Variants in MGRN1 observed in about 807,000 individuals in gnomAD.
The protein encoded by MGRN1 is mahogunin ring finger 1, also known as E3 ubiquitin-protein ligase MGRN1.
MGRN1 carries 29 observed loss-of-function variants against 69.2 expected under a neutral mutation model. The observed-to-expected ratio is 0.42, with a 90% CI of 0.31 to 0.57. The LOEUF is 0.57. Among genes scored for constraint, MGRN1 ranks in the 20% least tolerant of loss-of-function variants. The pLI is 0.15. For synonymous variants in MGRN1, 470 were observed against 344.2 expected, an observed-to-expected ratio of 1.37 and a Z score of -4.04; for missense variants, 998 against 796.2, an observed-to-expected ratio of 1.25 and a Z score of -3.05.
At chr16:4,668,094 C>G (rs559289344) in intron 7 of MGRN1, among the ~76,000 whole-genome samples, 171 bp from the exon 8 acceptor site, 137 of 151,736 alleles carry the variant, frequency 9.0e-4, no homozygotes, top group Non-Finnish European at 1.4e-3. Flanking sequence ...TTCAGAAATC[C>G]CGGCTCTTTC....
intron 1 of MGRN1, chr16:4,648,948 G>A (rs112713661): frequency 1.4e-4 from 22 of 159,108 alleles, no homozygotes; most frequent in African/African-American, 3.4e-4. Flanking sequence ...CCTCCTCTCC[G>A]GGGCTGTGTG....
Position 4,657,213 on chromosome 16 carries a change from G to A in MGRN1, c.444-33G>A, listed in dbSNP as rs200432984. On this transcript the variant is annotated intron_variant, in intron 4 of 16. Coordinates refer to ENST00000262370, the MANE Select transcript of MGRN1 (RefSeq NM_015246.4). ...GGGCACGGAGGGCCCTCTTCCTGCC[G>A]CAGCCTCACTGCTTGCTCCTGGCTC... 69 of 1,597,066 alleles carry A rather than the reference G, an allele frequency of 4.3e-5. No homozygotes were observed. The East Asian group carries it at 7.6e-4, about 18-fold the overall frequency.
At chr16:4,666,346 G>A (rs577446998) in intron 7 of MGRN1, among the ~76,000 whole-genome samples, 27 of 152,254 alleles carry the variant, frequency 1.8e-4, no homozygotes, top group African/African-American at 6.0e-4. Flanking sequence ...TGCCCAGGCT[G>A]GTCTCAAACT....
chr16:4,638,410 A>T (rs2078079653), intron 1 of MGRN1, among the ~76,000 whole-genome samples: 1 of 151,978 alleles, frequency 6.6e-6, no homozygotes, highest in Non-Finnish European at 1.5e-5. Flanking sequence ...GGTTGCAGTG[A>T]GCCGTGATCG....
intron 1 of MGRN1, among the ~76,000 whole-genome samples, chr16:4,629,675 G>T (rs900498065): frequency 6.6e-6 from 1 of 151,096 alleles, no homozygotes; most frequent in African/African-American, 2.4e-5. Context: ...GGAGGCGGGG[G>T]TTGCAGTGAG....
intron 5 of MGRN1, among the ~76,000 whole-genome samples, chr16:4,663,365 GTTTTTTTTT>G (rs1183914569): frequency 6.5e-5 from 4 of 61,828 alleles, no homozygotes; most frequent in Non-Finnish European, 1.2e-4. Context: ...ACCTGGCCTT[GTTTTTTTTT>G]TTTTTTTTTT....
chr16:4,657,932 C>T (rs112054405), intron 5 of MGRN1, among the ~76,000 whole-genome samples: 10,647 of 150,942 alleles, frequency 0.071, 1,120 homozygotes, highest in African/African-American at 0.22. Context: ...TTAGTAGAGA[C>T]GGGGTTTCAC....
intron 4 of MGRN1, among the ~76,000 whole-genome samples, chr16:4,654,766 A>C (rs1204952315): frequency 3.3e-5 from 5 of 152,110 alleles, no homozygotes; most frequent in Non-Finnish European, 7.4e-5. Flanking sequence ...TGAGTGCTCG[A>C]GTTGAGGGGC....
intron 2 of MGRN1, chr16:4,650,705 T>G (rs567092231): frequency 8.9e-5 from 38 of 424,644 alleles, no homozygotes; most frequent in Non-Finnish European, 1.5e-4. Context: ...GGCAGGTCAC[T>G]GAGAAACAGA....
intron 7 of MGRN1, among the ~76,000 whole-genome samples, chr16:4,667,466 G>A (rs1052354885): frequency 7.9e-5 from 12 of 152,222 alleles, no homozygotes; most frequent in Non-Finnish European, 1.6e-4. Flanking sequence ...AGAAGCCACG[G>A]TGACTATTGA....
Position 4,673,578 on chromosome 16 carries a change from C to G in MGRN1, c.876C>G (p.Pro292=). 2 of 1,613,872 alleles carry G rather than the reference C, an allele frequency of 1.2e-6. No homozygotes were observed. Among genetic ancestry groups the G allele is most frequent in the Admixed American group, 1.7e-5 (1 of 60,008 alleles). ...ACCTGCGGGACACGCTGATCCTGCC[C>G]TGCCGCCACCTGTGCCTCTGTACCT... ...LSDLRDTLIL[P]CRHLCLCTSC... Residue 292 remains proline (P), a synonymous_variant, in exon 10 of 17, where the codon CCC becomes CCG. Coordinates refer to ENST00000262370, the MANE Select transcript of MGRN1 (RefSeq NM_015246.4).
intron 1 of MGRN1, among the ~76,000 whole-genome samples, chr16:4,638,795 G>C (rs879937948): frequency 1.3e-5 from 2 of 152,220 alleles, no homozygotes; most frequent in South Asian, 2.1e-4. Context: ...TCAGTGAGCT[G>C]TTCGGAGCCC....
At chr16:4,671,520 G>T in intron 9 of MGRN1, 61 bp downstream of exon 9, 4 of 1,500,034 alleles carry the variant, frequency 2.7e-6, no homozygotes, top group Non-Finnish European at 3.7e-6. Flanking sequence ...GAGCAGCCGC[G>T]GACAGCAATG....
chr16:4,677,346 C>A, intron 10 of MGRN1, 117 bp from the exon 11 acceptor site: 1 of 569,804 alleles, frequency 1.8e-6, no homozygotes, highest in Non-Finnish European at 2.8e-6. Context: ...GATCTGGAAG[C>A]GGGGTCACCC....
At chr16:4,629,469 G>GCA (rs1897879083) in intron 1 of MGRN1, among the ~76,000 whole-genome samples, 1 of 152,048 alleles carries the variant, frequency 6.6e-6, no homozygotes, top group Admixed American at 6.6e-5. Context: ...GCCCAGGCAT[G>GCA]GTGGCTCACG....
In MGRN1 at chr16:4,625,328, G is replaced by T. The variant is rs117861459; in HGVS notation, c.88+280G>T. Among the ~76,000 whole-genome samples the T allele has an allele frequency of 6.2e-4, 94 of 152,320 alleles. 1 individual carries two copies. In the East Asian group the frequency reaches 0.017, roughly 27 times the overall value. ...CACCTCAGCTCCGTCCTTGCAACAG[G>T]GGGGAGCTCCTGGGGGAAACCCCGA... On this transcript the variant is annotated intron_variant, in intron 1 of 16. Coordinates refer to ENST00000262370, the MANE Select transcript of MGRN1 (RefSeq NM_015246.4).
intron 5 of MGRN1, among the ~76,000 whole-genome samples, chr16:4,662,863 C>T (rs2078713965): frequency 6.6e-6 from 1 of 152,122 alleles, no homozygotes; most frequent in Non-Finnish European, 1.5e-5. Context: ...GCTCAGGGTT[C>T]CCTTGTGCTG....
Position 4,682,949 on chromosome 16 carries a change from G to A in MGRN1, c.1482+3G>A. 2 of 1,562,746 alleles carry A rather than the reference G, an allele frequency of 1.3e-6. No homozygotes were observed. Among genetic ancestry groups the A allele is most frequent in the Non-Finnish European group, 1.7e-6 (2 of 1,151,958 alleles). ...TGCGGGAAAGCAGCTCCCCTGAGGT[G>A]AGGCCCCCCCGGGGAAGCTTTGCGC... On this transcript the variant is annotated splice_donor_region_variant and intron_variant, in intron 14 of 16. Coordinates refer to ENST00000262370, the MANE Select transcript of MGRN1 (RefSeq NM_015246.4).
intron 16 of MGRN1, chr16:4,687,510 A>G (rs778431241): frequency 1.0e-6 from 1 of 981,208 alleles, no homozygotes; most frequent in Non-Finnish European, 1.2e-6. Context: ...CGCTGTCTCA[A>G]TAAAAAAAAA....
Sources: allele counts gnomAD v4.1 joint callset (sites outside exome capture counted in the v4.1 genomes callset), GRCh38; gene constraint gnomAD v4.1.1; transcripts MANE v1.5; gene names NCBI Gene and HGNC (gene_info 2026-07-23, HGNC 2026-07-21).